COG5: variants seen among roughly 807,000 people sequenced by gnomAD.
COG5 encodes the protein component of oligomeric golgi complex 5.
Under a neutral mutation model 110.4 loss-of-function variants are expected in COG5, and 86 were observed. That is an observed-to-expected ratio of 0.78 (90% CI 0.65 to 0.93). COG5 has a LOEUF of 0.93. Ranked by LOEUF, COG5 falls within the 40% of genes least tolerant of loss-of-function variation. COG5 has a pLI of 0.00. For synonymous variants in COG5, 360 were observed against 334.6 expected, an observed-to-expected ratio of 1.08 and a Z score of -0.83; for missense variants, 1,077 against 987.0, an observed-to-expected ratio of 1.09 and a Z score of -1.22.
At chr7:107,228,624 T>TA (rs145399985) in intron 19 of COG5, among the ~76,000 whole-genome samples, 2,023 of 152,264 alleles carry the variant, frequency 0.013, 54 homozygotes, top group African/African-American at 0.045. Context: ...ACAAAATACT[T>TA]AAACAGTTTT....
chr7:107,342,282 C>T (rs995748092), intron 10 of COG5, among the ~76,000 whole-genome samples: 2 of 149,676 alleles, frequency 1.3e-5, no homozygotes, highest in Non-Finnish European at 3.0e-5. Context: ...ACTCAACATT[C>T]GATCATTAGA....
chr7:107,251,699 T>C lies in COG5; in HGVS notation c.1750-3200A>G, dbSNP rs185320744. 5.3e-5 allele frequency among the ~76,000 whole-genome samples: 8 copies of C among 152,026 alleles called. No homozygotes were observed. In the East Asian group the frequency reaches 9.7e-4, roughly 18 times the overall value. On this transcript the variant is annotated intron_variant, in intron 16 of 21. Coordinates refer to ENST00000297135, the MANE Select transcript of COG5 (RefSeq NM_006348.5). The stretch of plus-strand genomic sequence containing the variant: ...AAGATACAAGTATAACACAGAAAAA[T>C]TGCAGTGCTTAGTGGAAAATTTACA...
intron 19 of COG5, among the ~76,000 whole-genome samples, chr7:107,221,511 T>A (rs988598129): frequency 6.6e-6 from 1 of 152,064 alleles, no homozygotes; most frequent in Non-Finnish European, 1.5e-5. Context: ...ACACCTGTAA[T>A]CCCAGCACTT....
intron 11 of COG5, among the ~76,000 whole-genome samples, chr7:107,308,291 G>A (rs1405034809): frequency 6.6e-6 from 1 of 151,972 alleles, no homozygotes; most frequent in Non-Finnish European, 1.5e-5. Context: ...TTATGTTTGG[G>A]TCTTACTCTT....
At chr7:107,298,818 T>C (rs1006153650) in intron 11 of COG5, among the ~76,000 whole-genome samples, 1 of 152,194 alleles carries the variant, frequency 6.6e-6, no homozygotes, top group Non-Finnish European at 1.5e-5. Flanking sequence ...TTGAAAAGGC[T>C]TCAAGCCATA....
At chr7:107,311,071 A>T (rs1313033754) in intron 11 of COG5, among the ~76,000 whole-genome samples, 1 of 152,256 alleles carries the variant, frequency 6.6e-6, no homozygotes, top group African/African-American at 2.4e-5. Context: ...TCATGCAACA[A>T]ATAGCCCGGC....
intron 6 of COG5, among the ~76,000 whole-genome samples, chr7:107,425,184 T>A (rs2129075617): frequency 6.6e-6 from 1 of 152,200 alleles, no homozygotes; most frequent in African/African-American, 2.4e-5. Context: ...AGTGACTACT[T>A]CATACTGGTT....
At chr7:107,472,810 GCT>G (rs1315672536) in intron 6 of COG5, 1 of 151,754 alleles carries the variant, frequency 6.6e-6, no homozygotes, top group Non-Finnish European at 1.5e-5. Context: ...AAAATTATTA[GCT>G]TTTATAATTT....
At chr7:107,436,851 A>C (rs1794400291) in intron 6 of COG5, among the ~76,000 whole-genome samples, 1 of 152,216 alleles carries the variant, frequency 6.6e-6, no homozygotes, top group Non-Finnish European at 1.5e-5. Context: ...TTGTTTAAAT[A>C]AAAAGTGTAG....
chr7:107,311,909 A>T, intron 11 of COG5, among the ~76,000 whole-genome samples: 1 of 152,038 alleles, frequency 6.6e-6, no homozygotes, highest in East Asian at 1.9e-4. Flanking sequence ...TGGATGTTGA[A>T]TCAGAAAATT....
At chr7:107,301,824 G>A (rs1436692182) in intron 11 of COG5, among the ~76,000 whole-genome samples, 4 of 151,984 alleles carry the variant, frequency 2.6e-5, no homozygotes, top group African/African-American at 4.8e-5. Flanking sequence ...AGCCAAGATC[G>A]TGCCACTGCA....
intron 14 of COG5, among the ~76,000 whole-genome samples, chr7:107,261,057 T>G (rs1803300375): frequency 1.3e-5 from 2 of 152,060 alleles, no homozygotes; most frequent in Non-Finnish European, 2.9e-5. Context: ...CCACGCATAT[T>G]CAAGTCCCAC....
intron 7 of COG5, among the ~76,000 whole-genome samples, chr7:107,379,514 A>G (rs1390041430): frequency 6.6e-6 from 1 of 151,660 alleles, no homozygotes; most frequent in African/African-American, 2.4e-5. Flanking sequence ...GGTGGGCTAT[A>G]CTCAGGAGAC....
In COG5 at chr7:107,442,643, TAA is replaced by T. The variant is rs35184301; in HGVS notation, c.539-30013_539-30012del. Among the ~76,000 whole-genome samples the T allele has an allele frequency of 6.4e-3, 832 of 129,484 alleles. 3 individuals carry two copies. The highest frequency in any genetic ancestry group is 0.018 in the African/African-American group (632 of 36,080). The allele number at this position is 129,484 out of a possible 152,430, so 84.9% of individuals were successfully genotyped here. On this transcript the variant is annotated intron_variant, in intron 6 of 21. Transcript: ENST00000297135. ...ATCTGAGGTTTAAATCAATTTCACC[TAA>T]AAAAAAAAAAAAAAAGTCTATACGA...
At chr7:107,541,848 T>C (rs544359070) in intron 5 of COG5, among the ~76,000 whole-genome samples, 53 of 151,388 alleles carry the variant, frequency 3.5e-4, no homozygotes, top group African/African-American at 1.3e-3. Flanking sequence ...GAAGAATTGC[T>C]TGAAGCCAGG....
intron 19 of COG5, among the ~76,000 whole-genome samples, chr7:107,217,244 C>T (rs1799597720): frequency 6.6e-6 from 1 of 151,938 alleles, no homozygotes. Flanking sequence ...AGATTGGATC[C>T]ATAATAAAAA....
intron 14 of COG5, among the ~76,000 whole-genome samples, chr7:107,275,297 A>G (rs1804614472): frequency 6.6e-6 from 1 of 152,038 alleles, no homozygotes; most frequent in Non-Finnish European, 1.5e-5. Context: ...CTTAAAAAAA[A>G]AAAAAAGGAT....
intron 8 of COG5, among the ~76,000 whole-genome samples, chr7:107,370,063 T>G (rs1202928723): frequency 6.6e-6 from 1 of 152,164 alleles, no homozygotes; most frequent in African/African-American, 2.4e-5. Context: ...GGCTGTTTAC[T>G]TTTTATACTT....
At position 107,508,270 on chromosome 7, in the gene COG5, T is replaced by C. The variant is rs183530759; in HGVS notation, c.538+18967A>G. On this transcript the variant is annotated intron_variant, in intron 6 of 21. Coordinates refer to ENST00000297135, the MANE Select transcript of COG5 (RefSeq NM_006348.5). ...CTCGGAGGGTCCTATGCCCACAGAG[T>C]CTCGCTGATTGCTAGCACAGCAGTC... 2.8e-4 allele frequency among the ~76,000 whole-genome samples: 43 copies of C among 152,006 alleles called. 1 individual carries two copies. The highest frequency in any genetic ancestry group is 5.0e-4 in the Non-Finnish European group (34 of 67,946).
Sources: gnomAD v4.1 joint callset for allele counts (sites outside exome capture counted in the v4.1 genomes callset) on GRCh38, gnomAD v4.1.1 for gene constraint, MANE v1.5 for transcripts, NCBI Gene and HGNC (gene_info 2026-07-23, HGNC 2026-07-21) for gene names.